The following HAS3 variants were observed in gnomAD, a reference collection of about 807,000 sequenced individuals.
HAS3 encodes the protein hyaluronan synthase 3, also known as HA synthase 3.
HAS3 carries 27 observed loss-of-function variants against 50.3 expected under a neutral mutation model. That is an observed-to-expected ratio of 0.54 (90% CI 0.40 to 0.74). The LOEUF (loss-of-function observed/expected upper bound fraction) is 0.74. Among genes scored for constraint, HAS3 ranks in the 30% least tolerant of loss-of-function variants. The pLI is 0.00. For missense variants in HAS3, 517 were observed against 742.8 expected, an observed-to-expected ratio of 0.70 and a Z score of 3.53; for synonymous variants, 339 against 310.9, an observed-to-expected ratio of 1.09 and a Z score of -0.95.
chr16:69,083,678 G>A, the HAS3 span: 9 of 1,550,150 alleles, frequency 5.8e-6, no homozygotes, highest in Admixed American at 5.9e-5. Context: ...CTCCAAGGAC[G>A]TGGAGGAGGC....
chr16:69,116,937 C>T lies in HAS3; in HGVS notation c.*1671C>T, dbSNP rs924179709. On this transcript the variant is annotated 3_prime_UTR_variant, in exon 4 of 4. Transcript: ENST00000569188. Reference sequence around the variant, plus strand: ...GTGTACCAAGTGCTTCCTACAAAGACGCAAGGTGTGCTCTGAGCCACAGAT... The same window carrying T: ...GTGTACCAAGTGCTTCCTACAAAGATGCAAGGTGTGCTCTGAGCCACAGAT... 7 of 985,318 alleles carry T rather than the reference C, an allele frequency of 7.1e-6. No homozygotes were observed. The highest frequency in any genetic ancestry group is 5.2e-4 in the Middle Eastern group (1 of 1,936). 61.0% of individuals were successfully genotyped at this position (985,318 alleles called of 1,614,324 possible). A position where few individuals can be genotyped will look rare whatever the true frequency, so the allele number is the denominator to read the frequency against.
chr16:69,097,154 AAAAG>A, the HAS3 span, among the ~76,000 whole-genome samples: 1 of 151,920 alleles, frequency 6.6e-6, no homozygotes, highest in African/African-American at 2.4e-5. Context: ...TGAGAAAAAA[AAAAG>A]AATTATGGTT....
chr16:69,117,876 C>A, downstream of HAS3: 1 of 171,262 alleles, frequency 5.8e-6, no homozygotes, highest in Non-Finnish European at 1.3e-5. Context: ...AGACTAAAAA[C>A]CAAAGCTTGC....
At chr16:69,086,268 G>A in the HAS3 span, among the ~76,000 whole-genome samples, 2 of 150,508 alleles carry the variant, frequency 1.3e-5, no homozygotes, top group Admixed American at 6.6e-5. Context: ...TCCTGGGCTC[G>A]AGCAATCCAC....
intron 2 of HAS3, 32 bp downstream of exon 2, chr16:69,110,063 T>C (rs779720352): frequency 1.0e-4 from 160 of 1,570,516 alleles, no homozygotes; most frequent in Non-Finnish European, 1.4e-4. Flanking sequence ...CGTGTGTACA[T>C]GGGGATAAGT....
the HAS3 span, among the ~76,000 whole-genome samples, chr16:69,086,520 T>TTG: frequency 2.4e-5 from 3 of 126,654 alleles, no homozygotes; most frequent in African/African-American, 5.9e-5. Context: ...ATTTTCTATA[T>TTG]TATGTGTGTG....
the HAS3 span, among the ~76,000 whole-genome samples, chr16:69,095,394 G>T: frequency 6.6e-6 from 1 of 152,054 alleles, no homozygotes; most frequent in South Asian, 2.1e-4. Flanking sequence ...AGAGCTCACC[G>T]CCTGACTGGC....
At chr16:69,100,361 G>A in the HAS3 span, among the ~76,000 whole-genome samples, 7 of 152,228 alleles carry the variant, frequency 4.6e-5, no homozygotes, top group East Asian at 7.7e-4. Flanking sequence ...GCTACTATTC[G>A]GGAGCCATTT....
chr16:69,104,986 T>A (rs1178955061), upstream of HAS3, among the ~76,000 whole-genome samples: 16 of 143,498 alleles, frequency 1.1e-4, no homozygotes, highest in Middle Eastern at 3.6e-3. Context: ...TAAACTCTGT[T>A]TTTTGGTTTT....
At chr16:69,093,519 G>A in the HAS3 span, among the ~76,000 whole-genome samples, 1 of 136,656 alleles carries the variant, frequency 7.3e-6, no homozygotes, top group South Asian at 2.4e-4. Flanking sequence ...AGCCTACAGT[G>A]TATCTTTTTT....
At position 69,110,039 on chromosome 16, in the gene HAS3, C is replaced by T. The variant is rs200276862; in HGVS notation, c.636+8C>T. On this transcript the variant is annotated splice_region_variant and intron_variant, in intron 2 of 3. Coordinates refer to ENST00000569188, the MANE Select transcript of HAS3 (RefSeq NM_001199280.2). ...TCGGTGGACTACATCCAGGTAAGGG[C>T]GCCTCCCTAGGAGCGTGTGTACATG... is the stretch of plus-strand genomic sequence containing the variant. 8.0e-4 allele frequency: 1,284 copies of T among 1,598,570 alleles called. 22 individuals are homozygous for T. The highest frequency in any genetic ancestry group is 5.6e-4 in the Middle Eastern group (3 of 5,332).
At chr16:69,086,797 A>G in the HAS3 span, among the ~76,000 whole-genome samples, 23 of 151,654 alleles carry the variant, frequency 1.5e-4, no homozygotes, top group African/African-American at 5.1e-4. Flanking sequence ...CCAGCTACTC[A>G]GGAGGCTGAG....
rs1961194550 is a variant in HAS3, at chr16:69,116,619, A to G, written c.*1353A>G. 5.1e-6 allele frequency: 5 copies of G among 985,346 alleles called. No individual in the cohort carries two copies. Among genetic ancestry groups the G allele is most frequent in the Non-Finnish European group, 6.0e-6 (5 of 829,748 alleles). 61.0% of individuals were successfully genotyped at this position (985,346 alleles called of 1,614,324 possible). ...CCTGCTTCTTTCCAGAAACCAAACT[A>G]GGAGATGAAACTGGTTCCTACATCC... On this transcript the variant is annotated 3_prime_UTR_variant, in exon 4 of 4. Coordinates refer to ENST00000569188, the MANE Select transcript of HAS3 (RefSeq NM_001199280.2).
Position 69,107,229 on chromosome 16 carries a change from A to C in HAS3, c.-1+1442A>C. 1.8e-5 allele frequency: 10 copies of C among 570,754 alleles called. No individual in the cohort carries two copies. The highest frequency in any genetic ancestry group is 7.6e-5 in the South Asian group (1 of 13,076). 35.4% of individuals were successfully genotyped at this position (570,754 alleles called of 1,614,324 possible). On this transcript the variant is annotated intron_variant, in intron 1 of 3. Transcript: ENST00000569188. This position sits in a 1 kb window ranked among gnomAD's most constrained non-coding sequence, Gnocchi z 5.5. Reference sequence around the variant, plus strand: ...ACCAGCGCCTGATTGCACGTGGGGTATCTGGCTGAGGGACATTTTGGGGGC... The same window carrying C: ...ACCAGCGCCTGATTGCACGTGGGGTCTCTGGCTGAGGGACATTTTGGGGGC...
the HAS3 span, among the ~76,000 whole-genome samples, chr16:69,087,483 T>C: frequency 3.3e-5 from 5 of 152,294 alleles, no homozygotes; most frequent in East Asian, 9.6e-4. Context: ...GCTTTGCTCC[T>C]TATCATCTCT....
At chr16:69,094,530 T>C in the HAS3 span, among the ~76,000 whole-genome samples, 1 of 152,194 alleles carries the variant, frequency 6.6e-6, no homozygotes, top group Non-Finnish European at 1.5e-5. Flanking sequence ...CTAAGTTGTG[T>C]GTCTTTCTCT....
At chr16:69,111,003 T>A (rs765374676) in intron 2 of HAS3, among the ~76,000 whole-genome samples, 4 of 151,984 alleles carry the variant, frequency 2.6e-5, no homozygotes, top group Non-Finnish European at 4.4e-5. Flanking sequence ...CTGCCCAGCT[T>A]TGGTCAAAGC....
chr16:69,088,375 C>T, the HAS3 span, among the ~76,000 whole-genome samples: 4 of 151,906 alleles, frequency 2.6e-5, no homozygotes, highest in African/African-American at 9.7e-5. Flanking sequence ...GCCTGGCCAA[C>T]ATGGCGAAAC....
At chr16:69,099,101 G>C in the HAS3 span, among the ~76,000 whole-genome samples, 1 of 151,714 alleles carries the variant, frequency 6.6e-6, no homozygotes, top group African/African-American at 2.4e-5. Context: ...CTCCTGAGTA[G>C]CTGGGAATAC....
Sources: gnomAD v4.1 joint callset for allele counts (sites outside exome capture counted in the v4.1 genomes callset) on GRCh38, gnomAD v4.1.1 for gene constraint, Gnocchi (gnomAD v3.1) non-coding constraint, MANE v1.5 for transcripts, NCBI Gene and HGNC (gene_info 2026-07-23, HGNC 2026-07-21) for gene names.